Variants in RRM1 observed in about 807,000 individuals in gnomAD.
RRM1 encodes the protein ribonucleotide reductase catalytic subunit M1.
Under a neutral mutation model 101.5 loss-of-function variants are expected in RRM1, and 19 were observed. The observed-to-expected ratio is 0.19, with a 90% CI of 0.13 to 0.27. The LOEUF (loss-of-function observed/expected upper bound fraction) is 0.27, where lower values mean the gene tolerates loss of function less well. Among genes scored for constraint, RRM1 ranks in the 10% least tolerant of loss-of-function variants. The pLI is 1.00. For missense variants in RRM1, 500 were observed against 962.9 expected (o/e 0.52, Z 6.36); for synonymous variants, 298 against 323.4 (o/e 0.92, Z 0.84).
chr11:4,133,530 AT>A, intron 16 of RRM1, 32 bp from the exon 17 acceptor site: 2 of 1,345,114 alleles, frequency 1.5e-6, no homozygotes, highest in Non-Finnish European at 2.1e-6. Flanking sequence ...ACTGTTATTT[AT>A]TTCTTCATAC....
At chr11:4,101,895 G>A in intron 1 of RRM1, 98 bp from the exon 2 acceptor site, 1 of 692,344 alleles carries the variant, frequency 1.4e-6, no homozygotes, top group South Asian at 1.8e-5. Context: ...CTTCATGTTG[G>A]TCAATTTACA....
intron 6 of RRM1, 40 bp downstream of exon 6, chr11:4,111,680 A>C: frequency 6.7e-7 from 1 of 1,494,828 alleles, no homozygotes; most frequent in Non-Finnish European, 9.2e-7. Flanking sequence ...TTTTCTACTC[A>C]TTATATTGAA....
At position 4,138,584 on chromosome 11, in the gene RRM1, G is replaced by T; in HGVS notation, c.*201G>T. The stretch of plus-strand genomic sequence containing the variant: ...ATATTGGGATTTTCACCAAAATAAT[G>T]CTTTTGAAAAAAAGAAAAAAAAAAC... On this transcript the variant is annotated 3_prime_UTR_variant, in exon 19 of 19. Coordinates refer to ENST00000300738, the MANE Select transcript of RRM1 (RefSeq NM_001033.5). 1 of 378,720 alleles carries T rather than the reference G, an allele frequency of 2.6e-6. No individual in the cohort carries two copies. Among genetic ancestry groups the T allele is most frequent in the Non-Finnish European group, 4.6e-6 (1 of 215,866 alleles). 23.5% of individuals were successfully genotyped at this position (378,720 alleles called of 1,614,324 possible). A position where few individuals can be genotyped will look rare whatever the true frequency, so the allele number is the denominator to read the frequency against.
chr11:4,135,402 A>C, intron 18 of RRM1, 132 bp downstream of exon 18: 1 of 644,634 alleles, frequency 1.6e-6, no homozygotes, highest in African/African-American at 1.8e-5. Context: ...AGAACGTTAA[A>C]ACCAACCCAT....
At chr11:4,125,018 G>T (rs993073256) in intron 12 of RRM1, among the ~76,000 whole-genome samples, 1 of 151,062 alleles carries the variant, frequency 6.6e-6, no homozygotes, top group Non-Finnish European at 1.5e-5. Flanking sequence ...GGATTCAAGC[G>T]ATTCTCCTGC....
intron 5 of RRM1, among the ~76,000 whole-genome samples, chr11:4,111,017 T>G (rs1191977830): frequency 6.6e-6 from 1 of 152,024 alleles, no homozygotes; most frequent in Admixed American, 6.6e-5. Context: ...CTACAACTTC[T>G]GTTAATGTGT....
intron 2 of RRM1, among the ~76,000 whole-genome samples, chr11:4,103,339 GA>G (rs1261394157): frequency 1.3e-5 from 2 of 152,176 alleles, no homozygotes; most frequent in Non-Finnish European, 2.9e-5. Flanking sequence ...TAGAATAGTA[GA>G]ATGTTAGAGT....
At chr11:4,105,707 C>T (rs536473933) in intron 2 of RRM1, 91 of 383,706 alleles carry the variant, frequency 2.4e-4, no homozygotes, top group African/African-American at 1.9e-3. Context: ...TACCACCACA[C>T]CCAGCTAATT....
intron 9 of RRM1, 157 bp from the exon 10 acceptor site, chr11:4,121,447 A>C: frequency 4.2e-6 from 2 of 477,818 alleles, no homozygotes; most frequent in Non-Finnish European, 3.5e-6. Context: ...TTTTACAATT[A>C]TATATGGAAA....
At chr11:4,115,455 C>A (rs977534823) in intron 7 of RRM1, among the ~76,000 whole-genome samples, 31 of 150,432 alleles carry the variant, frequency 2.1e-4, no homozygotes, top group African/African-American at 7.6e-4. Flanking sequence ...CCACTAAAAG[C>A]TGGACAAAGC....
chr11:4,138,609 C>T lies in RRM1; in HGVS notation c.*226C>T, dbSNP rs907585477. ...GCTTTTGAAAAAAAGAAAAAAAAAA[C>T]GGATATATTGAGAATCAAAGTAGAA... On this transcript the variant is annotated 3_prime_UTR_variant, in exon 19 of 19. Coordinates refer to ENST00000300738, the MANE Select transcript of RRM1 (RefSeq NM_001033.5). 2 of 334,898 alleles carry T rather than the reference C, an allele frequency of 6.0e-6. No homozygotes were observed. Among genetic ancestry groups the T allele is most frequent in the Non-Finnish European group, 5.3e-6 (1 of 187,110 alleles). 20.7% of individuals were successfully genotyped at this position (334,898 alleles called of 1,614,324 possible).
intron 1 of RRM1, among the ~76,000 whole-genome samples, chr11:4,101,559 A>ACCCCCCCCCCCCCCCCC (rs1210051127): frequency 9.4e-6 from 1 of 105,916 alleles, no homozygotes; most frequent in Non-Finnish European, 1.8e-5. Context: ...AGTGATCCAC[A>ACCCCCCCCCCCCCCCCC]CCCCCCCCCG....
intron 7 of RRM1, among the ~76,000 whole-genome samples, chr11:4,115,587 G>A (rs1387696702): frequency 1.3e-5 from 2 of 150,660 alleles, no homozygotes; most frequent in Non-Finnish European, 2.9e-5. Flanking sequence ...ATGGAGTTTC[G>A]CTCTTGTCAC....
intron 5 of RRM1, among the ~76,000 whole-genome samples, chr11:4,110,467 A>G (rs2094563755): frequency 6.6e-6 from 1 of 152,182 alleles, no homozygotes; most frequent in Admixed American, 6.5e-5. Flanking sequence ...TTAAATTTCA[A>G]TTTAAAGTGC....
chr11:4,106,328 G>T (rs1473410248), intron 3 of RRM1, 105 bp downstream of exon 3: 2 of 1,022,522 alleles, frequency 2.0e-6, no homozygotes, highest in Admixed American at 4.2e-5. Context: ...GCTAGATGGG[G>T]TGGCTTACAC....
chr11:4,130,086 A>ATATATATATATATAT (rs1202870487), intron 15 of RRM1, among the ~76,000 whole-genome samples: 128 of 99,452 alleles, frequency 1.3e-3, no homozygotes, highest in African/African-American at 6.1e-3. Flanking sequence ...ATATATATAT[A>ATATATATATATATAT]TTTTTTTTTT....
intron 2 of RRM1, among the ~76,000 whole-genome samples, chr11:4,103,432 G>A (rs1286848239): frequency 6.6e-6 from 1 of 152,212 alleles, no homozygotes; most frequent in Non-Finnish European, 1.5e-5. Flanking sequence ...AGTGACTTAA[G>A]TTAGTGGGAG....
rs1342984302 is a variant in RRM1, at chr11:4,138,077, C to CG, written c.2191-118_2191-117insG. ...GGGTGGCTGGCCGGGCGGGGGCTGA[C>CG]CCCCCCACCTCCCTCCTGGACGGGG... On this transcript the variant is annotated intron_variant, in intron 18 of 18. Coordinates refer to ENST00000300738, the MANE Select transcript of RRM1 (RefSeq NM_001033.5). 2.0e-5 allele frequency: 2 copies of CG among 98,766 alleles called. 1 individual carries two copies. Among genetic ancestry groups the CG allele is most frequent in the Non-Finnish European group, 3.5e-5 (2 of 56,420 alleles). 6.1% of individuals were successfully genotyped at this position (98,766 alleles called of 1,614,324 possible). A position where few individuals can be genotyped will look rare whatever the true frequency, so the allele number is the denominator to read the frequency against.
chr11:4,119,989 C>A lies in RRM1; in HGVS notation c.876+61C>A, dbSNP rs781378875. 27 of 956,052 alleles carry A rather than the reference C, an allele frequency of 2.8e-5. No individual in the cohort carries two copies. In the South Asian group the frequency reaches 3.2e-4, roughly 11 times the overall value. 59.2% of individuals were successfully genotyped at this position (956,052 alleles called of 1,614,324 possible). ...ACTAAAGGTGATTTAGTCATATACA[C>A]TTAAGATGGTTCATTTATGTGTAGT... is the stretch of plus-strand genomic sequence containing the variant. On this transcript the variant is annotated intron_variant, in intron 9 of 18. Coordinates refer to ENST00000300738, the MANE Select transcript of RRM1 (RefSeq NM_001033.5).
Sources: allele counts gnomAD v4.1 joint callset (sites outside exome capture counted in the v4.1 genomes callset), GRCh38; gene constraint gnomAD v4.1.1; transcripts MANE v1.5; gene names NCBI Gene and HGNC (gene_info 2026-07-23, HGNC 2026-07-21).